TLL1: variants seen among roughly 807,000 people sequenced by gnomAD.
TLL1 encodes the protein tolloid-like protein 1.
TLL1 carries 49 observed loss-of-function variants against 128.2 expected under a neutral mutation model. That is an observed-to-expected ratio of 0.38 (90% confidence interval 0.30 to 0.48). TLL1 has a LOEUF of 0.48. TLL1 is among the 20% of genes least tolerant of loss of function. The pLI, the probability that TLL1 is intolerant of heterozygous loss-of-function variation, is 0.96. For missense variants in TLL1, 1,123 were observed against 1,242.0 expected (o/e 0.90, Z 1.44); for synonymous variants, 454 against 418.8 (o/e 1.08, Z -1.03).
chr4:165,994,542 C>G lies in TLL1; in HGVS notation c.514+9C>G, dbSNP rs1249365961. The G allele has an allele frequency of 3.1e-6, 5 of 1,613,674 alleles. No individual in the cohort carries two copies. In the African/African-American group the frequency reaches 4.0e-5, roughly 13 times the overall value. On this transcript the variant is annotated intron_variant, in intron 4 of 20. Transcript: ENST00000061240. ...AGGAGGAAACTTCACTGGTAAGATA[C>G]TCCCAGCATGTCTGTTTTCATAAAG...
intron 18 of TLL1, among the ~76,000 whole-genome samples, chr4:166,086,294 C>T (rs1437399306): frequency 6.6e-6 from 1 of 151,972 alleles, no homozygotes; most frequent in Non-Finnish European, 1.5e-5. Flanking sequence ...GCAGTTATTA[C>T]CTTTTATGGA....
At chr4:165,909,819 A>G (rs991878455) in intron 1 of TLL1, among the ~76,000 whole-genome samples, 1 of 152,232 alleles carries the variant, frequency 6.6e-6, no homozygotes, top group Non-Finnish European at 1.5e-5. Context: ...AGTAAGTAAC[A>G]GGGATCATTA....
intron 1 of TLL1, among the ~76,000 whole-genome samples, chr4:165,944,669 G>A (rs1734161918): frequency 6.6e-6 from 1 of 152,104 alleles, no homozygotes; most frequent in Admixed American, 6.6e-5. Context: ...ATGAAACCAG[G>A]AGAAACCCAG....
At chr4:166,052,965 G>GTGTATGTATA in intron 12 of TLL1, among the ~76,000 whole-genome samples, 1 of 99,646 alleles carries the variant, frequency 1.0e-5, no homozygotes, top group African/African-American at 3.8e-5. Flanking sequence ...GAGGTTATGT[G>GTGTATGTATA]TATATATATA....
At position 165,927,706 on chromosome 4, in the gene TLL1, A is replaced by T. The variant is rs889749062; in HGVS notation, c.169+53633A>T. 4.6e-5 allele frequency among the ~76,000 whole-genome samples: 7 copies of T among 152,266 alleles called. No individual in the cohort carries two copies. The South Asian group carries it at 8.3e-4, about 18-fold the overall frequency. Reference sequence around the variant, plus strand: ...GGGACATAAAGCAATGTCTGGAGACATTTTTGATTGTCACATTTGGGGGTG... The same window carrying T: ...GGGACATAAAGCAATGTCTGGAGACTTTTTTGATTGTCACATTTGGGGGTG... On this transcript the variant is annotated intron_variant, in intron 1 of 20. Coordinates refer to ENST00000061240, the MANE Select transcript of TLL1 (RefSeq NM_012464.5).
chr4:165,983,685 T>A (rs1488471596), intron 1 of TLL1, among the ~76,000 whole-genome samples: 4 of 151,830 alleles, frequency 2.6e-5, no homozygotes, highest in Non-Finnish European at 5.9e-5. Context: ...TGAGGAGAAG[T>A]TCTATGCCCT....
intron 9 of TLL1, among the ~76,000 whole-genome samples, chr4:166,036,460 A>G (rs2111085639): frequency 6.6e-6 from 1 of 152,298 alleles, no homozygotes; most frequent in African/African-American, 2.4e-5. Flanking sequence ...TGTATTTTTC[A>G]TTTGATCATT....
chr4:166,043,932 G>T (rs1004126290), intron 12 of TLL1, among the ~76,000 whole-genome samples: 7 of 151,952 alleles, frequency 4.6e-5, no homozygotes, highest in Admixed American at 3.9e-4. Context: ...CAGCATCGTT[G>T]TGTTATTAGA....
At chr4:166,065,345 G>A (rs151005516) in intron 15 of TLL1, among the ~76,000 whole-genome samples, 152 of 152,098 alleles carry the variant, frequency 1.0e-3, no homozygotes, top group African/African-American at 3.2e-3. Flanking sequence ...ATTAGAATGT[G>A]GTGTTTCTGG....
chr4:166,079,515 T>C (rs1182448531), intron 18 of TLL1, among the ~76,000 whole-genome samples: 1 of 152,088 alleles, frequency 6.6e-6, no homozygotes, highest in East Asian at 1.9e-4. Context: ...TATCTTTATT[T>C]CTGTGTTAAG....
intron 18 of TLL1, among the ~76,000 whole-genome samples, chr4:166,088,897 C>T (rs1741640466): frequency 1.3e-5 from 2 of 152,100 alleles, no homozygotes; most frequent in South Asian, 4.1e-4. Context: ...GAAAAATAGT[C>T]ACCTATTTAT....
rs2111033878 is a variant in TLL1 at position 166,003,487 on chromosome 4, T to C, written c.729T>C (p.Gly243=). ...DKFGIVVHEL[G]HVIGFWHEHT... ...TTGGGATTGTTGTTCATGAATTGGG[T>C]CATGTGATAGGCTTTTGGCATGAAC... Residue 243 remains glycine (G), a synonymous_variant, in exon 6 of 21, where the codon GGT becomes GGC. Coordinates refer to ENST00000061240, the MANE Select transcript of TLL1 (RefSeq NM_012464.5). 1 of 1,614,016 alleles carries C rather than the reference T, an allele frequency of 6.2e-7. No homozygotes were observed. The highest frequency in any genetic ancestry group is 8.5e-7 in the Non-Finnish European group (1 of 1,179,962).
At chr4:165,966,433 A>C (rs1011736991) in intron 1 of TLL1, among the ~76,000 whole-genome samples, 2 of 151,768 alleles carry the variant, frequency 1.3e-5, no homozygotes, top group Non-Finnish European at 2.9e-5. Flanking sequence ...GCAACAGGTT[A>C]GGCTCAGGAA....
intron 1 of TLL1, among the ~76,000 whole-genome samples, chr4:165,898,904 G>A (rs192623963): frequency 1.0e-3 from 153 of 152,278 alleles, no homozygotes; most frequent in Admixed American, 3.5e-3. Context: ...CTCAATTTCA[G>A]AACTTGTTAT....
intron 1 of TLL1, among the ~76,000 whole-genome samples, chr4:165,975,385 C>T (rs993869294): frequency 3.3e-5 from 5 of 151,938 alleles, no homozygotes; most frequent in African/African-American, 1.2e-4. Flanking sequence ...AGGCAGGGAA[C>T]ATCTAAGATA....
At position 165,994,433 on chromosome 4, in the gene TLL1, G is replaced by T. The variant is rs1046067038; in HGVS notation, c.414G>T (p.Gly138=). ...GAAAAGTACCTCTACAATTCTCAGG[G>T]CAAAATGAGAAAAATCGAGTTCCCA... is the stretch of plus-strand genomic sequence containing the variant. ...VKGKVPLQFS[G]QNEKNRVPRA... Residue 138 remains glycine, a synonymous_variant, in exon 4 of 21, where the codon GGG becomes GGT. Transcript: ENST00000061240. 3 of 1,613,948 alleles carry T rather than the reference G, an allele frequency of 1.9e-6. No individual in the cohort carries two copies. The highest frequency in any genetic ancestry group is 2.5e-6 in the Non-Finnish European group (3 of 1,179,930).
chr4:166,023,226 C>A (rs1259188623), intron 8 of TLL1, among the ~76,000 whole-genome samples: 1 of 152,110 alleles, frequency 6.6e-6, no homozygotes. Flanking sequence ...TGGTGAAACC[C>A]CCATCTCTAC....
intron 18 of TLL1, among the ~76,000 whole-genome samples, chr4:166,087,087 C>A (rs1293565657): frequency 6.6e-6 from 1 of 152,102 alleles, no homozygotes; most frequent in Non-Finnish European, 1.5e-5. Context: ...AGACTCTGAT[C>A]ATTAAATTTG....
chr4:165,956,501 C>T (rs1229488412), intron 1 of TLL1, among the ~76,000 whole-genome samples: 5 of 151,612 alleles, frequency 3.3e-5, no homozygotes, highest in Non-Finnish European at 5.9e-5. Flanking sequence ...CCTACTTGCA[C>T]GTCCATTTAT....
Sources: gnomAD v4.1 joint callset for allele counts (sites outside exome capture counted in the v4.1 genomes callset) on GRCh38, gnomAD v4.1.1 for gene constraint, MANE v1.5 for transcripts, NCBI Gene and HGNC (gene_info 2026-07-23, HGNC 2026-07-21) for gene names.